Variants in TMEM87B observed in about 807,000 individuals in gnomAD.
The protein encoded by TMEM87B is transmembrane protein 87B.
Under a neutral mutation model 80.3 loss-of-function variants are expected in TMEM87B, and 83 were observed. The observed-to-expected ratio is 1.03, with a 90% CI of 0.87 to 1.24. The LOEUF (loss-of-function observed/expected upper bound fraction) is 1.24, where lower values mean the gene tolerates loss of function less well. TMEM87B is among the 50% of genes most tolerant of loss of function. TMEM87B has a pLI of 0.00. For synonymous variants in TMEM87B, 219 were observed against 230.5 expected (o/e 0.95, Z 0.45); for missense variants, 625 against 674.4 (o/e 0.93, Z 0.81).
At chr2:112,094,113 CTA>C (rs1679385957) in intron 11 of TMEM87B, among the ~76,000 whole-genome samples, 1 of 151,266 alleles carries the variant, frequency 6.6e-6, no homozygotes. Context: ...AAAAAATAAA[CTA>C]TCTTTTCTGG....
intron 14 of TMEM87B, 102 bp from the exon 15 acceptor site, chr2:112,100,520 A>AT: frequency 1.5e-6 from 1 of 669,208 alleles, no homozygotes; most frequent in Non-Finnish European, 2.5e-6. Context: ...AGTATAAGAA[A>AT]TTTTTTAAAT....
chr2:112,081,550 T>C, intron 8 of TMEM87B, 32 bp downstream of exon 8: 1 of 1,573,642 alleles, frequency 6.4e-7, no homozygotes, highest in Non-Finnish European at 8.6e-7. Flanking sequence ...AAATATAGTA[T>C]GATCTAAGAG....
chr2:112,089,387 C>G (rs1679236675), intron 9 of TMEM87B, among the ~76,000 whole-genome samples: 1 of 152,226 alleles, frequency 6.6e-6, no homozygotes, highest in African/African-American at 2.4e-5. Flanking sequence ...AATCCTCTGG[C>G]ACCTTTGTGG....
intron 4 of TMEM87B, among the ~76,000 whole-genome samples, chr2:112,068,183 C>T (rs923993031): frequency 8.5e-5 from 13 of 152,150 alleles, no homozygotes; most frequent in Non-Finnish European, 1.9e-4. Flanking sequence ...CATTGCACTC[C>T]AGACTGGGGG....
At chr2:112,074,063 C>T (rs551669692) in intron 4 of TMEM87B, among the ~76,000 whole-genome samples, 13 of 152,216 alleles carry the variant, frequency 8.5e-5, no homozygotes, top group African/African-American at 3.1e-4. Context: ...ACATTCTGTG[C>T]CTTTTAATTG....
intron 11 of TMEM87B, among the ~76,000 whole-genome samples, chr2:112,092,305 A>G (rs1057237432): frequency 6.6e-6 from 1 of 152,192 alleles, no homozygotes. Context: ...TTGAAGCAGG[A>G]AAACAGAGGG....
chr2:112,062,675 G>A (rs1678292329), intron 2 of TMEM87B, among the ~76,000 whole-genome samples: 1 of 152,200 alleles, frequency 6.6e-6, no homozygotes, highest in Admixed American at 6.5e-5. Context: ...CTTTGTTCTA[G>A]CAGACATTTA....
intron 2 of TMEM87B, 49 bp downstream of exon 2, chr2:112,060,086 G>A (rs1165528782): frequency 2.8e-6 from 4 of 1,438,532 alleles, no homozygotes; most frequent in African/African-American, 2.9e-5. Context: ...AATGGCTCAC[G>A]CCTGTAATCC....
intron 11 of TMEM87B, 114 bp downstream of exon 11, chr2:112,091,897 C>T (rs1374822943): frequency 9.1e-6 from 7 of 765,526 alleles, no homozygotes; most frequent in Admixed American, 3.1e-5. Flanking sequence ...TACCTTAATA[C>T]GAGGGTTCAC....
chr2:112,069,495 C>T (rs1163312779), intron 4 of TMEM87B, among the ~76,000 whole-genome samples: 6 of 152,240 alleles, frequency 3.9e-5, no homozygotes, highest in African/African-American at 1.2e-4. Context: ...GCAAAGGACA[C>T]GATCTCCTTT....
At chr2:112,081,616 G>C (rs1453367478) in intron 8 of TMEM87B, 98 bp downstream of exon 8, 11 of 1,086,432 alleles carry the variant, frequency 1.0e-5, no homozygotes, top group Non-Finnish European at 1.0e-5. Flanking sequence ...CAGTGGTTTG[G>C]AAACAGATAT....
At chr2:112,090,366 G>A (rs1679264172) in intron 10 of TMEM87B, among the ~76,000 whole-genome samples, 1 of 149,332 alleles carries the variant, frequency 6.7e-6, no homozygotes, top group Non-Finnish European at 1.5e-5. Context: ...TTGTTTGGTT[G>A]TCTCATTGGT....
In TMEM87B at chr2:112,073,408, C is replaced by T. The variant is rs1204114499; in HGVS notation, c.451-1504C>T. Among the ~76,000 whole-genome samples, 6 of 152,124 alleles carry T rather than the reference C, an allele frequency of 3.9e-5. No homozygotes were observed. The East Asian group carries it at 5.8e-4, about 15-fold the overall frequency. ...GTTGTTTAATATCCATGCAATTGTACGGTTTCGAAAGATTTTCTTAATCTT... is the reference window on the plus strand; with the variant it reads ...GTTGTTTAATATCCATGCAATTGTATGGTTTCGAAAGATTTTCTTAATCTT... On this transcript the variant is annotated intron_variant, in intron 4 of 18. Coordinates refer to ENST00000283206, the MANE Select transcript of TMEM87B (RefSeq NM_032824.3).
rs1033748225 is a variant in TMEM87B at position 112,055,376 on chromosome 2, G to C, written c.-216G>C. On this transcript the variant is annotated 5_prime_UTR_variant, in exon 1 of 19. Coordinates refer to ENST00000283206, the MANE Select transcript of TMEM87B (RefSeq NM_032824.3). Reference sequence around the variant, plus strand: ...CAGGCATCTCCCAGCTGCACGCTCGGGCCCGGCTCAGAGCCCTAAGCCCTG... The same window carrying C: ...CAGGCATCTCCCAGCTGCACGCTCGCGCCCGGCTCAGAGCCCTAAGCCCTG... The C allele has an allele frequency of 1.9e-6, 1 of 539,028 alleles. No individual in the cohort carries two copies. The highest frequency in any genetic ancestry group is 3.2e-6 in the Non-Finnish European group (1 of 316,522). 33.4% of individuals were successfully genotyped at this position (539,028 alleles called of 1,614,324 possible).
rs1004867945 is a variant in TMEM87B at position 112,118,831 on chromosome 2, C to G, written c.*2688C>G. On this transcript the variant is annotated 3_prime_UTR_variant, in exon 19 of 19. Coordinates refer to ENST00000283206, the MANE Select transcript of TMEM87B (RefSeq NM_032824.3). ...TGTATCCTTTTTTTAAAAAAAAGTT[C>G]GAGTCTGTTGCACTAGGCTGTACAT... The G allele has an allele frequency of 6.6e-6, 1 of 151,776 alleles. No homozygotes were observed. Among genetic ancestry groups the G allele is most frequent in the Non-Finnish European group, 1.5e-5 (1 of 67,936 alleles). 9.4% of individuals were successfully genotyped at this position (151,776 alleles called of 1,614,324 possible).
intron 4 of TMEM87B, among the ~76,000 whole-genome samples, chr2:112,071,238 T>C (rs541430962): frequency 1.3e-5 from 2 of 152,242 alleles, no homozygotes; most frequent in African/African-American, 4.8e-5. Context: ...TCCTATGGGA[T>C]TGCATTCATG....
intron 14 of TMEM87B, 61 bp downstream of exon 14, chr2:112,098,759 A>G (rs779442473): frequency 6.7e-7 from 1 of 1,488,394 alleles, no homozygotes; most frequent in Non-Finnish European, 9.4e-7. Flanking sequence ...TATAGTGTCA[A>G]GAACACGTTT....
chr2:112,106,619 G>A (rs1163771135), intron 16 of TMEM87B, among the ~76,000 whole-genome samples: 2 of 151,704 alleles, frequency 1.3e-5, no homozygotes, highest in African/African-American at 2.4e-5. Context: ...AAAACATTGG[G>A]CAGAGATGAG....
Position 112,097,256 on chromosome 2 carries a change from A to T in TMEM87B, c.1237A>T (p.Thr413Ser). 1 of 1,608,784 alleles carries T rather than the reference A, an allele frequency of 6.2e-7. No individual in the cohort carries two copies. The highest frequency in any genetic ancestry group is 8.5e-7 in the Non-Finnish European group (1 of 1,178,670). Reference sequence around the variant, plus strand: ...AGCTTCTATAGTGTTTATGGGGTGGACAACTAAGACATTTAGAATTGCAAA... The same window carrying T: ...AGCTTCTATAGTGTTTATGGGGTGGTCAACTAAGACATTTAGAATTGCAAA... ...VLASIVFMGWTTKTFRIAKCQ... is the reference protein window; with the variant it reads ...VLASIVFMGWSTKTFRIAKCQ... Residue 413 changes from threonine (T) to serine (S), a missense_variant, in exon 13 of 19, where the codon ACA (threonine) becomes TCA (serine). Coordinates refer to ENST00000283206, the MANE Select transcript of TMEM87B (RefSeq NM_032824.3).
Sources: allele counts gnomAD v4.1 joint callset (sites outside exome capture counted in the v4.1 genomes callset), GRCh38; gene constraint gnomAD v4.1.1; transcripts MANE v1.5; gene names NCBI Gene and HGNC (gene_info 2026-07-23, HGNC 2026-07-21).